SLC38A10: variants seen among roughly 807,000 people sequenced by gnomAD.
SLC38A10 encodes the protein Sodium-coupled neutral amino acid transporter 10.
Under a neutral mutation model 81.0 loss-of-function variants are expected in SLC38A10, and 53 were observed. That is an observed-to-expected ratio of 0.65 (90% confidence interval 0.53 to 0.82). The LOEUF (loss-of-function observed/expected upper bound fraction) is 0.82. SLC38A10 is among the 40% of genes least tolerant of loss of function. The probability of loss-of-function intolerance (pLI) is 0.00; values close to 1 mark genes in which losing one functional copy is unlikely to be tolerated. For missense variants in SLC38A10, 1,471 were observed against 1,545.0 expected (o/e 0.95, Z 0.80); for synonymous variants, 665 against 655.3 (o/e 1.01, Z -0.23).
intron 14 of SLC38A10, among the ~76,000 whole-genome samples, chr17:81,250,681 C>T (rs1234826250): frequency 6.6e-6 from 1 of 152,226 alleles, no homozygotes; most frequent in Non-Finnish European, 1.5e-5. Context: ...ACCAAATGCA[C>T]GTGACTTTTG....
chr17:81,257,411 T>C (rs2062982676), intron 11 of SLC38A10, among the ~76,000 whole-genome samples: 1 of 152,226 alleles, frequency 6.6e-6, no homozygotes, highest in African/African-American at 2.4e-5. Flanking sequence ...AGGCTTCTGA[T>C]AGCTCCTTTG....
Position 81,260,233 on chromosome 17 carries a change from CA to C in SLC38A10, c.1288+4del. On this transcript the variant is annotated splice_donor_region_variant and intron_variant, in intron 11 of 15. Coordinates refer to ENST00000374759, the MANE Select transcript of SLC38A10 (RefSeq NM_001037984.3). Reference sequence around the variant, plus strand: ...AGAAGGCTCAGAGAGCCAGGGTGGGCATACCTGAGAGCCGCGCTGCCTCCAC... The same window carrying C: ...AGAAGGCTCAGAGAGCCAGGGTGGGCTACCTGAGAGCCGCGCTGCCTCCAC... 1.3e-6 allele frequency: 2 copies of C among 1,597,584 alleles called. No homozygotes were observed. Among genetic ancestry groups the C allele is most frequent in the Non-Finnish European group, 1.7e-6 (2 of 1,173,142 alleles).
chr17:81,260,459 A>T, intron 10 of SLC38A10, 65 bp from the exon 11 acceptor site: 2 of 1,525,996 alleles, frequency 1.3e-6, no homozygotes, highest in Non-Finnish European at 1.8e-6. Context: ...CAGGGTATAA[A>T]ACTGGCCTGG....
intron 4 of SLC38A10, among the ~76,000 whole-genome samples, 159 bp from the exon 5 acceptor site, chr17:81,282,491 G>A (rs1050365027): frequency 2.0e-5 from 3 of 152,168 alleles, no homozygotes; most frequent in Admixed American, 6.5e-5. Context: ...GCCCGAAGCC[G>A]CTCTCACAGC....
intron 13 of SLC38A10, 139 bp downstream of exon 13, chr17:81,252,056 C>T (rs1366003115): frequency 7.9e-7 from 1 of 1,267,624 alleles, no homozygotes; most frequent in Non-Finnish European, 1.1e-6. Context: ...CTGCCGGGGC[C>T]CGCTCCATTT....
At chr17:81,252,774 C>G in intron 12 of SLC38A10, 91 bp from the exon 13 acceptor site, 1 of 1,495,328 alleles carries the variant, frequency 6.7e-7, no homozygotes, top group Non-Finnish European at 8.8e-7. Context: ...TGGGTTCTGG[C>G]TCCCAACAGT....
chr17:81,282,376 C>T, intron 4 of SLC38A10, 44 bp from the exon 5 acceptor site: 1 of 1,569,186 alleles, frequency 6.4e-7, no homozygotes, highest in Non-Finnish European at 8.6e-7. Context: ...CCCGTGCCTG[C>T]TCACCACCGG....
intron 10 of SLC38A10, among the ~76,000 whole-genome samples, chr17:81,267,684 C>T (rs1034985791): frequency 6.6e-6 from 1 of 152,096 alleles, no homozygotes; most frequent in African/African-American, 2.4e-5. Context: ...GGCATAATAG[C>T]TGGTATCAAA....
intron 11 of SLC38A10, among the ~76,000 whole-genome samples, chr17:81,256,419 C>A (rs1329156314): frequency 6.6e-6 from 1 of 152,232 alleles, no homozygotes; most frequent in African/African-American, 2.4e-5. Context: ...GCCGTCCGGA[C>A]CCCAAGAGTC....
chr17:81,261,902 G>A (rs368151845), intron 10 of SLC38A10, among the ~76,000 whole-genome samples: 3 of 152,216 alleles, frequency 2.0e-5, no homozygotes, highest in Admixed American at 1.3e-4. Flanking sequence ...AGGTCCGGAC[G>A]GGGCCTGCAG....
intron 11 of SLC38A10, among the ~76,000 whole-genome samples, chr17:81,254,695 C>T (rs2062956449): frequency 6.6e-6 from 1 of 152,234 alleles, no homozygotes; most frequent in Admixed American, 6.5e-5. Flanking sequence ...ATCCACCCGC[C>T]TCATTCTCCC....
intron 11 of SLC38A10, among the ~76,000 whole-genome samples, chr17:81,258,092 C>T (rs1055491518): frequency 6.6e-6 from 1 of 152,218 alleles, no homozygotes; most frequent in Non-Finnish European, 1.5e-5. Context: ...CGGCTGTGCG[C>T]GTCTAACCAC....
Position 81,294,462 on chromosome 17 carries a change from T to C in SLC38A10, c.99+361A>G, listed in dbSNP as rs1373103125. 2.6e-5 allele frequency among the ~76,000 whole-genome samples: 4 copies of C among 152,172 alleles called. No individual in the cohort carries two copies. The East Asian group carries it at 7.7e-4, about 29-fold the overall frequency. On this transcript the variant is annotated intron_variant, in intron 1 of 15. Coordinates refer to ENST00000374759, the MANE Select transcript of SLC38A10 (RefSeq NM_001037984.3). ...TGAGTTGTGTGCTTCTGAAGACAGGTGCAGTTGGGTCAGAGTTTTTAAAAA... is the reference window on the plus strand; with the variant it reads ...TGAGTTGTGTGCTTCTGAAGACAGGCGCAGTTGGGTCAGAGTTTTTAAAAA...
intron 6 of SLC38A10, among the ~76,000 whole-genome samples, chr17:81,279,045 G>A (rs767167573): frequency 3.5e-4 from 53 of 152,340 alleles, no homozygotes; most frequent in Non-Finnish European, 6.0e-4. Context: ...GGCCCCAGAC[G>A]GAGCATCCCT....
intron 6 of SLC38A10, among the ~76,000 whole-genome samples, chr17:81,278,609 G>C (rs936449735): frequency 1.3e-5 from 2 of 152,178 alleles, no homozygotes; most frequent in African/African-American, 4.8e-5. Context: ...GAGGCTGGCA[G>C]AGAATCAGGA....
chr17:81,252,748 G>A lies in SLC38A10; in HGVS notation c.1457-65C>T, dbSNP rs2062931924. 3.9e-6 allele frequency: 6 copies of A among 1,519,142 alleles called. No homozygotes were observed. In the South Asian group the frequency reaches 7.8e-5, roughly 20 times the overall value. The allele number at this position is 1,519,142 out of a possible 1,614,324, so 94.1% of individuals were successfully genotyped here. A position where few individuals can be genotyped will look rare whatever the true frequency, so the allele number is the denominator to read the frequency against. On this transcript the variant is annotated intron_variant, in intron 12 of 15. Coordinates refer to ENST00000374759, the MANE Select transcript of SLC38A10 (RefSeq NM_001037984.3). ...CCCTCCTTCCCTTCCCAGGGAATTA[G>A]AACTGGGTTCTTCCCTGGGTTCTGG...
rs1356947855 is a variant in SLC38A10, at chr17:81,281,366, T to C, written c.502-633A>G. ...AGGGGCTCGGGTCCTGGGGCTCCTA[T>C]GGGCAGGGGCCTGGCAGAGAATGGA... On this transcript the variant is annotated intron_variant, in intron 5 of 15. Coordinates refer to ENST00000374759, the MANE Select transcript of SLC38A10 (RefSeq NM_001037984.3). The surrounding 1 kb of genome is among the most constrained non-coding windows in gnomAD (Gnocchi z 5.3). Among the ~76,000 whole-genome samples the C allele has an allele frequency of 6.6e-6, 1 of 152,038 alleles. No homozygotes were observed. The highest frequency in any genetic ancestry group is 1.5e-5 in the Non-Finnish European group (1 of 67,992).
In SLC38A10 at chr17:81,283,392, C is replaced by T. The variant is rs375938872; in HGVS notation, c.357+17G>A. 306 of 1,608,444 alleles carry T rather than the reference C, an allele frequency of 1.9e-4. 2 individuals carry two copies. The highest frequency in any genetic ancestry group is 5.2e-4 in the South Asian group (47 of 90,434). ...CGTCAGCATCTGAACAACCCAGAAC[C>T]CTGAACACATCCTTACCTGAAACCC... On this transcript the variant is annotated intron_variant, in intron 4 of 15. Transcript: ENST00000374759. The surrounding 1 kb of genome is among the most constrained non-coding windows in gnomAD (Gnocchi z 4.7).
intron 10 of SLC38A10, among the ~76,000 whole-genome samples, chr17:81,268,768 G>A (rs754446657): frequency 7.4e-6 from 1 of 135,716 alleles, no homozygotes; most frequent in Non-Finnish European, 1.6e-5. Flanking sequence ...ACAAATAATA[G>A]GACATAAGTT....
Sources: gnomAD v4.1 joint callset for allele counts (sites outside exome capture counted in the v4.1 genomes callset) on GRCh38, gnomAD v4.1.1 for gene constraint, Gnocchi (gnomAD v3.1) non-coding constraint, MANE v1.5 for transcripts, NCBI Gene and HGNC (gene_info 2026-07-23, HGNC 2026-07-21) for gene names.